The following NECAB2 variants were observed in gnomAD, a reference collection of about 807,000 sequenced individuals.
NECAB2 encodes the protein N-terminal EF-hand calcium-binding protein 2.
Under a neutral mutation model 51.9 loss-of-function variants are expected in NECAB2, and 68 were observed. The observed-to-expected ratio is 1.31, with a 90% CI of 1.08 to 1.60. The LOEUF (loss-of-function observed/expected upper bound fraction) is 1.60, where lower values mean the gene tolerates loss of function less well. Ranked by LOEUF, NECAB2 falls within the 40% of genes most tolerant of loss-of-function variation. The pLI, the probability that NECAB2 is intolerant of heterozygous loss-of-function variation, is 0.00. For missense variants in NECAB2, 854 were observed against 490.3 expected (o/e 1.74, Z -7.00); for synonymous variants, 329 against 203.5 (o/e 1.62, Z -5.25).
At chr16:83,989,831 CT>C (rs992693936) in intron 5 of NECAB2, among the ~76,000 whole-genome samples, 4 of 152,190 alleles carry the variant, frequency 2.6e-5, no homozygotes, top group Non-Finnish European at 5.9e-5. Flanking sequence ...TCTTTTTCGT[CT>C]TTTCCCCAGA....
chr16:83,987,596 C>T (rs2084572134), intron 5 of NECAB2, among the ~76,000 whole-genome samples: 1 of 147,588 alleles, frequency 6.8e-6, no homozygotes, highest in Non-Finnish European at 1.5e-5. Flanking sequence ...ATTTCCTGCT[C>T]TTTTACCTAA....
intron 10 of NECAB2, among the ~76,000 whole-genome samples, chr16:83,998,903 G>C (rs35170840): frequency 0.054 from 8,249 of 152,276 alleles, 220 homozygotes; most frequent in East Asian, 0.11. Flanking sequence ...TAAAGCTAAG[G>C]CATGTGGCCA....
intron 1 of NECAB2, among the ~76,000 whole-genome samples, chr16:83,971,061 T>A (rs1411960101): frequency 6.6e-6 from 1 of 150,648 alleles, no homozygotes; most frequent in Non-Finnish European, 1.5e-5. Context: ...GCCACTGCAC[T>A]CCAGCCTGGG....
intron 2 of NECAB2, 111 bp downstream of exon 2, chr16:83,972,286 G>C (rs748215604): frequency 8.7e-6 from 13 of 1,501,784 alleles, no homozygotes; most frequent in Middle Eastern, 1.7e-4. Flanking sequence ...AAGGTTTGGA[G>C]TGCAGGGGTC....
rs183739934 is a variant in NECAB2 at position 83,985,400 on chromosome 16, C to T, written c.459+4273C>T. Among the ~76,000 whole-genome samples the T allele has an allele frequency of 1.2e-3, 174 of 147,936 alleles. 1 individual carries two copies. The highest frequency in any genetic ancestry group is 3.8e-3 in the African/African-American group (154 of 40,182). On this transcript the variant is annotated intron_variant, in intron 5 of 12. Coordinates refer to ENST00000305202, the MANE Select transcript of NECAB2 (RefSeq NM_019065.3). ...CTGTAATCCCAGCACTTTGGGAGGC[C>T]GAGGCAGATAGATCACAAGGTCAGG...
intron 2 of NECAB2, among the ~76,000 whole-genome samples, chr16:83,977,153 G>T (rs1405272855): frequency 6.6e-6 from 1 of 152,210 alleles, no homozygotes; most frequent in Non-Finnish European, 1.5e-5. Flanking sequence ...CTTGTCCCAA[G>T]CACCCAGCTT....
upstream of NECAB2, chr16:83,965,238 T>C: frequency 6.2e-7 from 1 of 1,612,416 alleles, no homozygotes; most frequent in Non-Finnish European, 8.5e-7. Context: ...CTCTTCCAGG[T>C]GAGCGGCTTC....
intron 8 of NECAB2, among the ~76,000 whole-genome samples, chr16:83,996,049 G>A (rs945947734): frequency 2.6e-5 from 4 of 152,210 alleles, no homozygotes; most frequent in Non-Finnish European, 2.9e-5. Context: ...TGGCCCGGGC[G>A]GTCAGCAGGG....
intron 10 of NECAB2, among the ~76,000 whole-genome samples, chr16:83,999,837 A>G (rs989121349): frequency 6.6e-6 from 1 of 151,152 alleles, no homozygotes; most frequent in Admixed American, 6.6e-5. Context: ...GAGGACAAGT[A>G]GAAGGAAGAA....
chr16:84,002,227 T>C, intron 12 of NECAB2, 91 bp from the exon 13 acceptor site: 2 of 1,489,256 alleles, frequency 1.3e-6, no homozygotes, highest in Non-Finnish European at 9.4e-7. Flanking sequence ...CTCAAAGCCA[T>C]CCCCCGACCT....
chr16:83,998,016 G>C (rs1306895053), intron 9 of NECAB2, among the ~76,000 whole-genome samples, 189 bp from the exon 10 acceptor site: 3 of 152,028 alleles, frequency 2.0e-5, no homozygotes, highest in Non-Finnish European at 2.9e-5. Context: ...CTTCTGCACT[G>C]GGCTCTTGAG....
intron 10 of NECAB2, among the ~76,000 whole-genome samples, chr16:83,999,314 A>G (rs1378335295): frequency 6.6e-6 from 1 of 152,168 alleles, no homozygotes; most frequent in African/African-American, 2.4e-5. Context: ...ACTGCACAGG[A>G]GCAGGGGCCA....
chr16:83,983,264 G>C (rs182658457), intron 5 of NECAB2, among the ~76,000 whole-genome samples: 1 of 152,150 alleles, frequency 6.6e-6, no homozygotes, highest in African/African-American at 2.4e-5. Flanking sequence ...GTTTGCTTTC[G>C]TCAAGCCGCA....
At chr16:84,000,978 T>TG (rs377527049) in intron 11 of NECAB2, among the ~76,000 whole-genome samples, 177 bp downstream of exon 11, 35,254 of 151,726 alleles carry the variant, frequency 0.23, 8,795 homozygotes, top group African/African-American at 0.63. Context: ...CAGGAGCTCT[T>TG]GGTGGGTAGT....
intron 5 of NECAB2, among the ~76,000 whole-genome samples, chr16:83,983,223 T>A (rs2084511192): frequency 6.6e-6 from 1 of 152,212 alleles, no homozygotes; most frequent in African/African-American, 2.4e-5. Context: ...GCTTGTCGGT[T>A]GTTGTTTTGA....
chr16:83,965,608 G>C, upstream of NECAB2: 2 of 1,613,124 alleles, frequency 1.2e-6, no homozygotes, highest in South Asian at 2.2e-5. Context: ...AGATGATGCG[G>C]GAGCAGTCCA....
At chr16:83,978,718 C>T (rs1238501960) in intron 3 of NECAB2, among the ~76,000 whole-genome samples, 166 bp downstream of exon 3, 1 of 151,928 alleles carries the variant, frequency 6.6e-6, no homozygotes, top group Admixed American at 6.6e-5. Flanking sequence ...GTGAATGGGG[C>T]GTGTGCAGAT....
chr16:83,994,586 G>C, intron 7 of NECAB2, 23 bp from the exon 8 acceptor site: 4 of 1,610,776 alleles, frequency 2.5e-6, no homozygotes, highest in East Asian at 4.5e-5. Flanking sequence ...ACTGAAGTCT[G>C]TGTGTCTCTT....
chr16:83,998,017 G>A (rs1398235802), intron 9 of NECAB2, among the ~76,000 whole-genome samples, 188 bp from the exon 10 acceptor site: 5 of 152,006 alleles, frequency 3.3e-5, no homozygotes, highest in Admixed American at 3.3e-4. Context: ...TTCTGCACTG[G>A]GCTCTTGAGG....
Sources: gnomAD v4.1 joint callset for allele counts (sites outside exome capture counted in the v4.1 genomes callset) on GRCh38, gnomAD v4.1.1 for gene constraint, MANE v1.5 for transcripts, NCBI Gene and HGNC (gene_info 2026-07-23, HGNC 2026-07-21) for gene names.